KCNQ1OT1: variants seen among roughly 807,000 people sequenced by gnomAD.
KCNQ1OT1 encodes KCNQ1 opposite strand/antisense transcript 1, also known as KCNQ1 antisense RNA 2 (non-protein coding).
exon 1 of KCNQ1OT1, chr11:2,692,224 C>T: frequency 2.5e-6 from 1 of 399,010 alleles, no homozygotes; most frequent in Non-Finnish European, 4.4e-6. Context: ...TTCCTCACCA[C>T]CTGCCCATCA....
chr11:2,650,358 T>G, exon 1 of KCNQ1OT1: 1 of 398,632 alleles, frequency 2.5e-6, no homozygotes, highest in East Asian at 3.6e-5. Context: ...CAAGTTGATA[T>G]CTGCATATCT....
At chr11:2,616,132 A>T (rs1849059631) in exon 1 of KCNQ1OT1, 1 of 397,596 alleles carries the variant, frequency 2.5e-6, no homozygotes, top group Non-Finnish European at 4.4e-6. Context: ...ATTTGTTGGT[A>T]TACAGTTATT....
exon 1 of KCNQ1OT1, chr11:2,643,945 T>C (rs1849621852): frequency 2.5e-6 from 1 of 398,506 alleles, no homozygotes; most frequent in South Asian, 1.3e-4. Context: ...TCCTGGCCTG[T>C]AAAGTTTCTG....
In KCNQ1OT1 at chr11:2,623,052, T is replaced by G. The variant is rs1474445701; in HGVS notation, n.76943A>C. ...GGGAGGGGCCTGGTGGGGGGCAAAC[T>G]TCCCCCTTGCTGTTCTCATGATAGT... On this transcript the variant is annotated non_coding_transcript_exon_variant, in exon 1 of 1. Transcript: ENST00000597346. This position sits in a 1 kb window ranked among gnomAD's most constrained non-coding sequence, Gnocchi z 5.2. 2.5e-6 allele frequency: 1 copy of G among 398,546 alleles called. No homozygotes were observed. Among genetic ancestry groups the G allele is most frequent in the Non-Finnish European group, 4.4e-6 (1 of 226,132 alleles). The allele number at this position is 398,546 out of a possible 1,614,324, so 24.7% of individuals were successfully genotyped here. A position where few individuals can be genotyped will look rare whatever the true frequency, so the allele number is the denominator to read the frequency against.
In KCNQ1OT1 at chr11:2,654,605, G is replaced by T. The variant is rs912134725; in HGVS notation, n.45390C>A. 5 of 398,726 alleles carry T rather than the reference G, an allele frequency of 1.3e-5. No homozygotes were observed. The highest frequency in any genetic ancestry group is 4.4e-5 in the Admixed American group (1 of 22,720). 24.7% of individuals were successfully genotyped at this position (398,726 alleles called of 1,614,324 possible). On this transcript the variant is annotated non_coding_transcript_exon_variant, in exon 1 of 1. Transcript: ENST00000597346. This position sits in a 1 kb window ranked among gnomAD's most constrained non-coding sequence, Gnocchi z 6.4. ...GGAAGGGCAGGGGGTGAGTGGTTGGGTGAAGTTACTAGGAAGGGCCCAGAC... is the reference window on the plus strand; with the variant it reads ...GGAAGGGCAGGGGGTGAGTGGTTGGTTGAAGTTACTAGGAAGGGCCCAGAC...
At chr11:2,619,609 T>C in exon 1 of KCNQ1OT1, 1 of 398,598 alleles carries the variant, frequency 2.5e-6, no homozygotes, top group Middle Eastern at 6.3e-4. Context: ...TCTTGGGTTA[T>C]GTTGGCCTGT....
chr11:2,620,725 C>A lies in KCNQ1OT1; in HGVS notation n.79270G>T, dbSNP rs988537210. The A allele has an allele frequency of 2.5e-5, 10 of 398,450 alleles. No individual in the cohort carries two copies. The Admixed American group carries it at 4.0e-4, about 16-fold the overall frequency. 24.7% of individuals were successfully genotyped at this position (398,450 alleles called of 1,614,324 possible). ...ATATCCAGTAATGGGATTGCTGGGT[C>A]AGATGGTAGTTCTGTTTTCAGTTAT... On this transcript the variant is annotated non_coding_transcript_exon_variant, in exon 1 of 1. Transcript: ENST00000597346. The surrounding 1 kb of genome is among the most constrained non-coding windows in gnomAD (Gnocchi z 4.5).
chr11:2,645,727 A>G lies in KCNQ1OT1; in HGVS notation n.54268T>C. 1 of 398,760 alleles carries G rather than the reference A, an allele frequency of 2.5e-6. No homozygotes were observed. The highest frequency in any genetic ancestry group is 4.4e-6 in the Non-Finnish European group (1 of 226,224). The allele number at this position is 398,760 out of a possible 1,614,324, so 24.7% of individuals were successfully genotyped here. A position where few individuals can be genotyped will look rare whatever the true frequency, so the allele number is the denominator to read the frequency against. ...CAGGAGTGGCAACCAGCTTTGTGTAAGGGATGTCCATGGGGCTCCAGGGAT... is the reference window on the plus strand; with the variant it reads ...CAGGAGTGGCAACCAGCTTTGTGTAGGGGATGTCCATGGGGCTCCAGGGAT... On this transcript the variant is annotated non_coding_transcript_exon_variant, in exon 1 of 1. Transcript: ENST00000597346. This position sits in a 1 kb window ranked among gnomAD's most constrained non-coding sequence, Gnocchi z 5.8.
rs1016604325 is a variant in KCNQ1OT1, at chr11:2,647,419, G to A, written n.52576C>T. On this transcript the variant is annotated non_coding_transcript_exon_variant, in exon 1 of 1. Transcript: ENST00000597346. The surrounding 1 kb of genome is among the most constrained non-coding windows in gnomAD (Gnocchi z 4.0). ...TGTGTGTTTTGTTTCTGAGGATTCT[G>A]CATCTATGTTCATCAGGGAGATTGG... 13 of 398,410 alleles carry A rather than the reference G, an allele frequency of 3.3e-5. No individual in the cohort carries two copies. Among genetic ancestry groups the A allele is most frequent in the African/African-American group, 2.5e-4 (12 of 48,632 alleles). The allele number at this position is 398,410 out of a possible 1,614,324, so 24.7% of individuals were successfully genotyped here.
exon 1 of KCNQ1OT1, chr11:2,631,748 T>C (rs536284538): frequency 1.5e-5 from 6 of 398,662 alleles, no homozygotes; most frequent in African/African-American, 4.1e-5. Context: ...AATACTCTTC[T>C]TGCAGCTCCA....
At position 2,611,372 on chromosome 11, in the gene KCNQ1OT1, A is replaced by G. The variant is rs929771649; in HGVS notation, n.88623T>C. On this transcript the variant is annotated non_coding_transcript_exon_variant, in exon 1 of 1. Transcript: ENST00000597346. This position sits in a 1 kb window ranked among gnomAD's most constrained non-coding sequence, Gnocchi z 5.3. The stretch of plus-strand genomic sequence containing the variant: ...GTAGCTGGGACTACAGGCATTTGCC[A>G]CCATACCCAGCTAATTTTTAGTAGA... 10 of 397,312 alleles carry G rather than the reference A, an allele frequency of 2.5e-5. No homozygotes were observed. Among genetic ancestry groups the G allele is most frequent in the Admixed American group, 4.4e-5 (1 of 22,694 alleles). 24.6% of individuals were successfully genotyped at this position (397,312 alleles called of 1,614,324 possible).
rs1849688227 is a variant in KCNQ1OT1, at chr11:2,647,750, C to G, written n.52245G>C. The G allele has an allele frequency of 2.5e-6, 1 of 398,238 alleles. No individual in the cohort carries two copies. The highest frequency in any genetic ancestry group is 4.4e-5 in the Admixed American group (1 of 22,698). 24.7% of individuals were successfully genotyped at this position (398,238 alleles called of 1,614,324 possible). A position where few individuals can be genotyped will look rare whatever the true frequency, so the allele number is the denominator to read the frequency against. On this transcript the variant is annotated non_coding_transcript_exon_variant, in exon 1 of 1. Coordinates refer to ENST00000597346, the Ensembl canonical transcript of KCNQ1OT1. This position sits in a 1 kb window ranked among gnomAD's most constrained non-coding sequence, Gnocchi z 4.0. ...GTTATATATGTCCAGGAATTTATCT[C>G]TTTCCTCTAGGTTTTCTAATTGTTG...
In KCNQ1OT1 at chr11:2,642,684, T is replaced by A. The variant is rs1269022290; in HGVS notation, n.57311A>T. On this transcript the variant is annotated non_coding_transcript_exon_variant, in exon 1 of 1. Coordinates refer to ENST00000597346, the Ensembl canonical transcript of KCNQ1OT1. The surrounding 1 kb of genome is among the most constrained non-coding windows in gnomAD (Gnocchi z 4.3). ...TAGTTCTGCTCTGATCTTCGTTATT[T>A]CTTTCCTTCTACTAATTTTATGTTT... 5.0e-6 allele frequency: 2 copies of A among 397,868 alleles called. No individual in the cohort carries two copies. Among genetic ancestry groups the A allele is most frequent in the African/African-American group, 4.1e-5 (2 of 48,614 alleles). The allele number at this position is 397,868 out of a possible 1,614,324, so 24.6% of individuals were successfully genotyped here.
exon 1 of KCNQ1OT1, chr11:2,697,421 T>G (rs1169107194): frequency 5.0e-6 from 2 of 398,510 alleles, no homozygotes; most frequent in African/African-American, 4.1e-5. Context: ...ATGACATCCT[T>G]GGCCTACTCC....
Position 2,690,849 on chromosome 11 carries a change from C to T in KCNQ1OT1, n.9146G>A. ...GCTCTGGCACTCCCACTGTTAGGAA[C>T]AGGTACCTTTAGGGACACAGGAGTG... On this transcript the variant is annotated non_coding_transcript_exon_variant, in exon 1 of 1. Coordinates refer to ENST00000597346, the Ensembl canonical transcript of KCNQ1OT1. The surrounding 1 kb of genome is among the most constrained non-coding windows in gnomAD (Gnocchi z 5.1). 1 of 398,598 alleles carries T rather than the reference C, an allele frequency of 2.5e-6. No homozygotes were observed. The allele number at this position is 398,598 out of a possible 1,614,324, so 24.7% of individuals were successfully genotyped here.
chr11:2,693,269 C>G (rs1394634617), exon 1 of KCNQ1OT1: 1 of 398,634 alleles, frequency 2.5e-6, no homozygotes, highest in East Asian at 3.6e-5. Flanking sequence ...GGCTTAACAA[C>G]TCAGATGCAC....
At chr11:2,616,808 T>C (rs1316459121) in exon 1 of KCNQ1OT1, 1 of 398,322 alleles carries the variant, frequency 2.5e-6, no homozygotes, top group Admixed American at 4.4e-5. Context: ...GCCTAACATA[T>C]CATCCCTCCT....
At chr11:2,646,735 C>G (rs1161876117) in exon 1 of KCNQ1OT1, 1 of 398,450 alleles carries the variant, frequency 2.5e-6, no homozygotes, top group Non-Finnish European at 4.4e-6. Flanking sequence ...AGGACAGTCT[C>G]AAACTCCTGG....
chr11:2,617,996 T>C lies in KCNQ1OT1; in HGVS notation n.81999A>G, dbSNP rs1849096130. On this transcript the variant is annotated non_coding_transcript_exon_variant, in exon 1 of 1. Coordinates refer to ENST00000597346, the Ensembl canonical transcript of KCNQ1OT1. This position sits in a 1 kb window ranked among gnomAD's most constrained non-coding sequence, Gnocchi z 4.6. Reference sequence around the variant, plus strand: ...CTAGTCCATAGGTTGCCTTTTCCTTTTGTTGACTGTTTCCGTTCCTGTGCA... The same window carrying C: ...CTAGTCCATAGGTTGCCTTTTCCTTCTGTTGACTGTTTCCGTTCCTGTGCA... 1.5e-5 allele frequency: 6 copies of C among 398,620 alleles called. No homozygotes were observed. Among genetic ancestry groups the C allele is most frequent in the Middle Eastern group, 6.3e-4 (1 of 1,588 alleles). The allele number at this position is 398,620 out of a possible 1,614,324, so 24.7% of individuals were successfully genotyped here.
Sources: gnomAD v4.1 joint callset for allele counts on GRCh38, gnomAD v4.1.1 for gene constraint, Gnocchi (gnomAD v3.1) non-coding constraint, MANE v1.5 for transcripts, NCBI Gene and HGNC (gene_info 2026-07-23, HGNC 2026-07-21) for gene names.